MAPK9: variants seen among roughly 807,000 people sequenced by gnomAD.
MAPK9 encodes the protein Jun kinase.
MAPK9 carries 30 observed loss-of-function variants against 57.1 expected under a neutral mutation model. The ratio of observed to expected loss-of-function variants is 0.53; its 90% CI spans 0.39 to 0.71. The LOEUF is 0.71. Among genes scored for constraint, MAPK9 ranks in the 30% least tolerant of loss-of-function variants. MAPK9 has a pLI of 0.00. For missense variants in MAPK9, 362 were observed against 521.0 expected, an observed-to-expected ratio of 0.69 and a Z score of 2.97; for synonymous variants, 155 against 177.0, an observed-to-expected ratio of 0.88 and a Z score of 0.99.
intron 1 of MAPK9, among the ~76,000 whole-genome samples, chr5:180,282,921 C>T (rs1762436684): frequency 6.6e-6 from 1 of 151,990 alleles, no homozygotes; most frequent in African/African-American, 2.4e-5. Flanking sequence ...GCAGCAGAGG[C>T]GGAGGCACAT....
intron 3 of MAPK9, among the ~76,000 whole-genome samples, chr5:180,267,561 C>CAAAAAAAA (rs34776289): frequency 3.3e-5 from 3 of 89,862 alleles, no homozygotes; most frequent in Admixed American, 1.3e-4. Context: ...GACTCCGTCT[C>CAAAAAAAA]AAAAAAAAAA....
At chr5:180,265,394 C>A (rs890738915) in intron 3 of MAPK9, among the ~76,000 whole-genome samples, 1 of 152,134 alleles carries the variant, frequency 6.6e-6, no homozygotes, top group Non-Finnish European at 1.5e-5. Flanking sequence ...TAGGGAGAGA[C>A]CTGGTGGGAG....
chr5:180,268,861 C>T (rs1415887935), intron 3 of MAPK9, among the ~76,000 whole-genome samples: 1 of 151,354 alleles, frequency 6.6e-6, no homozygotes, highest in African/African-American at 2.4e-5. Flanking sequence ...AAAAATAGGC[C>T]GGGCATGGTG....
rs763285045 is a variant in MAPK9, at chr5:180,242,699, T to A, written c.745A>T (p.Met249Leu). The A allele has an allele frequency of 6.2e-6, 10 of 1,614,054 alleles. No individual in the cohort carries two copies. The African/African-American group carries it at 1.3e-4, about 22-fold the overall frequency. ...EQLGTPSAEF[M>L]KKLQPTVRNY... Reference sequence around the variant, plus strand: ...CTCACAGTTGGCTGAAGTTTCTTCATGAACTCTGCTGATGGTGTTCCCAGC... The same window carrying A: ...CTCACAGTTGGCTGAAGTTTCTTCAAGAACTCTGCTGATGGTGTTCCCAGC... Residue 249 changes from methionine to leucine, a missense_variant, in exon 8 of 12, where the codon ATG (methionine) becomes TTG (leucine). Met to Leu is a conservative substitution (Grantham distance 15). Coordinates refer to ENST00000452135, the MANE Select transcript of MAPK9 (RefSeq NM_002752.5).
intron 1 of MAPK9, among the ~76,000 whole-genome samples, chr5:180,284,947 A>G (rs1324329146): frequency 6.6e-6 from 1 of 152,240 alleles, no homozygotes; most frequent in Non-Finnish European, 1.5e-5. Context: ...GCTGGCAAGT[A>G]GAGAAATAGT....
At chr5:180,285,890 A>G (rs1227266914) in intron 1 of MAPK9, among the ~76,000 whole-genome samples, 13 of 151,830 alleles carry the variant, frequency 8.6e-5, no homozygotes, top group Middle Eastern at 6.8e-3. Flanking sequence ...CATCCTGGCT[A>G]ACATGGTGAA....
chr5:180,260,061 G>T (rs1759761452), intron 5 of MAPK9, among the ~76,000 whole-genome samples: 1 of 152,168 alleles, frequency 6.6e-6, no homozygotes, highest in Non-Finnish European at 1.5e-5. Flanking sequence ...ACATTAAAAA[G>T]CACATGGAAC....
chr5:180,248,048 G>T, intron 6 of MAPK9: 1 of 794,238 alleles, frequency 1.3e-6, no homozygotes, highest in Non-Finnish European at 2.0e-6. Flanking sequence ...GTGCGTTGTT[G>T]ATACCACACC....
intron 3 of MAPK9, among the ~76,000 whole-genome samples, chr5:180,266,473 C>G (rs1435270642): frequency 2.0e-5 from 3 of 152,058 alleles, no homozygotes; most frequent in African/African-American, 4.8e-5. Flanking sequence ...CACCACTACG[C>G]CCAGCTAATT....
At position 180,269,485 on chromosome 5, in the gene MAPK9, A is replaced by C. The variant is rs569027609; in HGVS notation, c.123-76T>G. The C allele has an allele frequency of 4.1e-5, 55 of 1,332,124 alleles. No individual in the cohort carries two copies. In the African/African-American group the frequency reaches 7.2e-4, roughly 17 times the overall value. 82.5% of individuals were successfully genotyped at this position (1,332,124 alleles called of 1,614,324 possible). On this transcript the variant is annotated intron_variant, in intron 2 of 11. Transcript: ENST00000452135. ...ACAGCAATGCCAGAATATACATTGA[A>C]TATATCATCTTTTTAATAAGTAACA...
At chr5:180,278,436 T>G (rs1208895727) in intron 2 of MAPK9, among the ~76,000 whole-genome samples, 1 of 152,248 alleles carries the variant, frequency 6.6e-6, no homozygotes, top group Non-Finnish European at 1.5e-5. Context: ...GCGCAGTGGC[T>G]CATGCCTGTA....
At chr5:180,246,313 T>C (rs1758095617) in intron 7 of MAPK9, 1 of 152,192 alleles carries the variant, frequency 6.6e-6, no homozygotes, top group Non-Finnish European at 1.5e-5. Flanking sequence ...CTAGAAAATT[T>C]AGTAGAACAA....
intron 11 of MAPK9, chr5:180,237,750 G>A (rs1463236199): frequency 6.6e-6 from 1 of 152,316 alleles, no homozygotes; most frequent in African/African-American, 2.4e-5. Context: ...CCACCACTAT[G>A]ACAAGCCAAA....
chr5:180,242,318 T>C (rs1388114666), intron 8 of MAPK9, among the ~76,000 whole-genome samples: 2 of 152,218 alleles, frequency 1.3e-5, no homozygotes, highest in Non-Finnish European at 2.9e-5. Flanking sequence ...TTCCAGTTGC[T>C]GTAACTGTAA....
chr5:180,270,883 A>G (rs1051155865), intron 2 of MAPK9, among the ~76,000 whole-genome samples: 5 of 151,802 alleles, frequency 3.3e-5, no homozygotes, highest in South Asian at 2.1e-4. Flanking sequence ...AGAAAAAGAA[A>G]AAGAAAAAAA....
intron 8 of MAPK9, 50 bp from the exon 9 acceptor site, chr5:180,241,205 G>A: frequency 1.3e-6 from 2 of 1,529,948 alleles, no homozygotes; most frequent in Non-Finnish European, 1.8e-6. Flanking sequence ...GAAACAAACA[G>A]AATCATACAA....
rs1324645170 is a variant in MAPK9 at position 180,254,817 on chromosome 5, G to A, written c.451-5679C>T. 3.9e-5 allele frequency among the ~76,000 whole-genome samples: 6 copies of A among 152,252 alleles called. No individual in the cohort carries two copies. In the South Asian group the frequency reaches 8.3e-4, roughly 21 times the overall value. ...TGGGAGGCCGAGGCGGGCGGATCACGAGGTCAGGAGATCGAGACCATCCTG... is the reference window on the plus strand; with the variant it reads ...TGGGAGGCCGAGGCGGGCGGATCACAAGGTCAGGAGATCGAGACCATCCTG... On this transcript the variant is annotated intron_variant, in intron 5 of 11. Coordinates refer to ENST00000452135, the MANE Select transcript of MAPK9 (RefSeq NM_002752.5).
At chr5:180,262,130 T>C (rs1052570280) in intron 4 of MAPK9, among the ~76,000 whole-genome samples, 4 of 152,150 alleles carry the variant, frequency 2.6e-5, no homozygotes. Context: ...GACCATGCTG[T>C]TACAGGCTCA....
intron 4 of MAPK9, among the ~76,000 whole-genome samples, chr5:180,263,623 C>T (rs1481493612): frequency 6.6e-6 from 1 of 151,858 alleles, no homozygotes; most frequent in Non-Finnish European, 1.5e-5. Flanking sequence ...AAACACCAGG[C>T]GGGCATCCAC....
Sources: allele counts gnomAD v4.1 joint callset (sites outside exome capture counted in the v4.1 genomes callset), GRCh38; gene constraint gnomAD v4.1.1; transcripts MANE v1.5; gene names NCBI Gene and HGNC (gene_info 2026-07-23, HGNC 2026-07-21).